The following OXNAD1 variants were observed in gnomAD, a reference collection of about 807,000 sequenced individuals.
OXNAD1 encodes the protein oxidoreductase NAD binding domain containing 1, also known as oxidoreductase NAD-binding domain-containing protein 1.
OXNAD1 carries 34 observed loss-of-function variants against 32.9 expected under a neutral mutation model. The ratio of observed to expected loss-of-function variants is 1.03; its 90% CI spans 0.79 to 1.38. OXNAD1 has a LOEUF of 1.38. Among genes scored for constraint, OXNAD1 ranks in the 40% most tolerant of loss-of-function variants. OXNAD1 has a pLI of 0.00. For missense variants in OXNAD1, 407 were observed against 379.4 expected (o/e 1.07, Z -0.60); for synonymous variants, 134 against 135.2 (o/e 0.99, Z 0.06).
In OXNAD1 at chr3:16,280,875, C is replaced by T. The variant is rs1452339494; in HGVS notation, c.184-5467C>T. ...AGTTGGCAAATGTGTTGTTATTTTA[C>T]TGAACACTGGAAAAGCATAAATGTT... On this transcript the variant is annotated intron_variant, in intron 4 of 8. Transcript: ENST00000285083. The surrounding 1 kb of genome is among the most constrained non-coding windows in gnomAD (Gnocchi z 4.5). Among the ~76,000 whole-genome samples, 2 of 152,310 alleles carry T rather than the reference C, an allele frequency of 1.3e-5. No homozygotes were observed. The highest frequency in any genetic ancestry group is 1.9e-4 in the East Asian group (1 of 5,188).
intron 2 of OXNAD1, 34 bp downstream of exon 2, chr3:16,269,309 G>A (rs1040630837): frequency 5.2e-6 from 8 of 1,528,790 alleles, no homozygotes; most frequent in African/African-American, 1.4e-5. Flanking sequence ...AGGGATTAAG[G>A]TAACATTATT....
rs1482403138 is a variant in OXNAD1, at chr3:16,297,256, T to C, written c.432+2259T>C. On this transcript the variant is annotated intron_variant, in intron 6 of 8. Transcript: ENST00000285083. The surrounding 1 kb of genome is among the most constrained non-coding windows in gnomAD (Gnocchi z 4.3). ...AAAGGTATTGAAACATCGTTAACCC[T>C]GAGGGAAATGTAAATTAAAACCATA... Among the ~76,000 whole-genome samples the C allele has an allele frequency of 1.3e-5, 2 of 152,188 alleles. No individual in the cohort carries two copies. The highest frequency in any genetic ancestry group is 2.4e-5 in the African/African-American group (1 of 41,450).
intron 9 of OXNAD1, among the ~76,000 whole-genome samples, chr3:16,326,146 T>TGGA (rs1311678618): frequency 6.6e-6 from 1 of 152,242 alleles, no homozygotes; most frequent in Admixed American, 6.5e-5. Flanking sequence ...AACATATAGA[T>TGGA]GGAGGGCCTT....
At chr3:16,307,110 G>A (rs1173050832), downstream of OXNAD1, among the ~76,000 whole-genome samples, 1 of 152,152 alleles carries the variant, frequency 6.6e-6, no homozygotes, top group Non-Finnish European at 1.5e-5. Flanking sequence ...CAGTATTGAT[G>A]CTTGATTTCT....
intron 9 of OXNAD1, chr3:16,315,691 C>G (rs1481412376): frequency 6.6e-6 from 1 of 152,238 alleles, no homozygotes; most frequent in Non-Finnish European, 1.5e-5. Flanking sequence ...GCAAGCCTAG[C>G]TGGCTCTGCA....
rs776127512 is a variant in OXNAD1, at chr3:16,271,711, C to T, written c.172C>T (p.Leu58Phe). 4.4e-6 allele frequency: 7 copies of T among 1,607,598 alleles called. No individual in the cohort carries two copies. Among genetic ancestry groups the T allele is most frequent in the Non-Finnish European group, 5.9e-6 (7 of 1,178,314 alleles). Residue 58 changes from leucine (L) to phenylalanine (F), a missense_variant, in exon 4 of 9, where the codon CTT (leucine) becomes TTT (phenylalanine). Leu to Phe is a conservative substitution (Grantham distance 22, BLOSUM62 0). Transcript: ENST00000285083. The surrounding 1 kb of genome is among the most constrained non-coding windows in gnomAD (Gnocchi z 4.6). ...TCACATGGAGAGAACTGCAAGTGTC[C>T]TTCGACGGGAGGTTTGTATCTTTGG... Reference protein sequence around the residue: ...TDHMERTASVLRREIVSAAKV... With the variant: ...TDHMERTASVFRREIVSAAKV...
In OXNAD1 at chr3:16,316,815, A is replaced by G. The variant is rs1482658706; in HGVS notation, c.*30+13223A>G. ...TGGCAACTCACCTAGTTTTAGCACA[A>G]ATTGCCCAAGACTCAGTTTTCTTCA... is the stretch of plus-strand genomic sequence containing the variant. On this transcript the variant is annotated intron_variant, in intron 9 of 9. Coordinates refer to the OXNAD1 transcript ENST00000435829. This position sits in a 1 kb window ranked among gnomAD's most constrained non-coding sequence, Gnocchi z 4.5. 3.1e-6 allele frequency: 5 copies of G among 1,613,132 alleles called. No homozygotes were observed. Among genetic ancestry groups the G allele is most frequent in the South Asian group, 2.2e-5 (2 of 90,944 alleles).
chr3:16,340,576 G>A (rs151133148), downstream of OXNAD1, among the ~76,000 whole-genome samples: 799 of 152,352 alleles, frequency 5.2e-3, 32 homozygotes, highest in Admixed American at 0.047. Context: ...TAGTTACACA[G>A]CAGAAGCCAA....
rs1267124832 is a variant in OXNAD1 at position 16,301,835 on chromosome 3, C to A, written c.642C>A (p.Tyr214Ter). Reference protein sequence around the residue: ...GYEIGTIKLFYSAKNTSELLF... With the variant: ...GYEIGTIKLF ...AGATAGGAACAATAAAACTATTCTA[C>A]AGTGCAAAAAATACCAGCGAACTCC... is the stretch of plus-strand genomic sequence containing the variant. The change falls in exon 7 of 9, where the codon TAC becomes TAA. Residue 214 changes from tyrosine (Y) to a stop codon, truncating the protein, a stop_gained. Coordinates refer to ENST00000285083, the MANE Select transcript of OXNAD1 (RefSeq NM_138381.5). LOFTEE classifies it high-confidence loss of function. The surrounding 1 kb of genome is among the most constrained non-coding windows in gnomAD (Gnocchi z 4.1). 1.9e-6 allele frequency: 3 copies of A among 1,613,908 alleles called. No individual in the cohort carries two copies. The highest frequency in any genetic ancestry group is 1.7e-6 in the Non-Finnish European group (2 of 1,179,942).
Position 16,284,785 on chromosome 3 carries a change from G to A in OXNAD1, c.184-1557G>A, listed in dbSNP as rs2065962149. Among the ~76,000 whole-genome samples the A allele has an allele frequency of 6.6e-6, 1 of 152,240 alleles. No individual in the cohort carries two copies. Among genetic ancestry groups the A allele is most frequent in the African/African-American group, 2.4e-5 (1 of 41,468 alleles). ...TAGGTAACTTGCCCAGAGTCACACA[G>A]CTGGTAAGCGGTAGAGCCAGGACTA... On this transcript the variant is annotated intron_variant, in intron 4 of 8. Transcript: ENST00000285083. This position sits in a 1 kb window ranked among gnomAD's most constrained non-coding sequence, Gnocchi z 4.1.
At chr3:16,347,282 C>T (rs1430820236) in intron 9 of OXNAD1, among the ~76,000 whole-genome samples, 1 of 152,246 alleles carries the variant, frequency 6.6e-6, no homozygotes, top group Non-Finnish European at 1.5e-5. Context: ...GACGTCCATG[C>T]ATGTTATATC....
At chr3:16,310,233 C>T (rs902493951), downstream of OXNAD1, among the ~76,000 whole-genome samples, 1 of 152,126 alleles carries the variant, frequency 6.6e-6, no homozygotes, top group African/African-American at 2.4e-5. Context: ...TATTAACTTA[C>T]GCATTTTGTG....
chr3:16,312,955 AAGATG>A lies in OXNAD1; in HGVS notation c.*30+9364_*30+9368del, dbSNP rs2068071138. 1.3e-5 allele frequency among the ~76,000 whole-genome samples: 2 copies of A among 152,186 alleles called. No individual in the cohort carries two copies. Among genetic ancestry groups the A allele is most frequent in the African/African-American group, 4.8e-5 (2 of 41,436 alleles). ...TAAATATTATTACAGTATTTCTGTT[AAGATG>A]GGATATACTACGCTTCAGTAGCCAA... On this transcript the variant is annotated intron_variant, in intron 9 of 9. Transcript: ENST00000435829. This position sits in a 1 kb window ranked among gnomAD's most constrained non-coding sequence, Gnocchi z 4.7.
chr3:16,275,955 AT>A (rs1559729504), intron 4 of OXNAD1: 1 of 153,184 alleles, frequency 6.5e-6, no homozygotes, highest in Admixed American at 6.5e-5. Context: ...AAAAGCACCT[AT>A]ATCCATATTT....
chr3:16,323,542 A>G lies in OXNAD1; in HGVS notation c.*31-13570A>G, dbSNP rs535729583. On this transcript the variant is annotated intron_variant, in intron 9 of 9. Transcript: ENST00000435829. ...CACAGATGTTGCCATCCCTAATTTC[A>G]TCAAAGCAGACCACCCACAGGATTA... 1.4e-3 allele frequency: 1,300 copies of G among 923,312 alleles called. 4 individuals are homozygous for G. The highest frequency in any genetic ancestry group is 1.9e-3 in the Non-Finnish European group (1,089 of 574,544). 57.2% of individuals were successfully genotyped at this position (923,312 alleles called of 1,614,324 possible). A position where few individuals can be genotyped will look rare whatever the true frequency, so the allele number is the denominator to read the frequency against.
Position 16,325,907 on chromosome 3 carries a change from G to A in OXNAD1, c.*31-11205G>A, listed in dbSNP as rs191221114. Among the ~76,000 whole-genome samples the A allele has an allele frequency of 1.6e-4, 25 of 152,330 alleles. No individual in the cohort carries two copies. The East Asian group carries it at 2.9e-3, about 18-fold the overall frequency. On this transcript the variant is annotated intron_variant, in intron 9 of 9. Transcript: ENST00000435829. ...AGGGCTTGGGGAAGGTGGAGCTCTG[G>A]GGGCCACAGCGGGGGCATCCTTGCT...
Position 16,269,114 on chromosome 3 carries a change from G to A in OXNAD1, c.-158-12G>A, listed in dbSNP as rs2064757294. The A allele has an allele frequency of 1.4e-6, 2 of 1,465,424 alleles. No homozygotes were observed. The highest frequency in any genetic ancestry group is 2.6e-5 in the Admixed American group (1 of 38,984). The allele number at this position is 1,465,424 out of a possible 1,614,324, so 90.8% of individuals were successfully genotyped here. ...CCCAAAACATTGTTATATGTTGTTT[G>A]TGCCATTGCAGGAACTTTGTGAGAA... On this transcript the variant is annotated splice_polypyrimidine_tract_variant and intron_variant, in intron 1 of 8. Transcript: ENST00000285083.
rs903066789 is a variant in OXNAD1, at chr3:16,314,942, A to T, written c.*30+11350A>T. 3 of 152,190 alleles carry T rather than the reference A, an allele frequency of 2.0e-5. No individual in the cohort carries two copies. The highest frequency in any genetic ancestry group is 7.2e-5 in the African/African-American group (3 of 41,442). The allele number at this position is 152,190 out of a possible 1,614,324, so 9.4% of individuals were successfully genotyped here. On this transcript the variant is annotated intron_variant, in intron 9 of 9. Transcript: ENST00000435829. The surrounding 1 kb of genome is among the most constrained non-coding windows in gnomAD (Gnocchi z 4.4). ...AAATCAAAATGCTGTATAGACATTG[A>T]CTTAGTTGTGGAAAATGTCATTAAA...
chr3:16,326,780 T>C (rs747085173), intron 9 of OXNAD1: 1 of 1,613,610 alleles, frequency 6.2e-7, no homozygotes, highest in Admixed American at 1.7e-5. Flanking sequence ...TACCTGGTAG[T>C]CTTGACGACG....
Sources: allele counts gnomAD v4.1 joint callset (sites outside exome capture counted in the v4.1 genomes callset), GRCh38; gene constraint gnomAD v4.1.1; non-coding constraint Gnocchi (gnomAD v3.1); transcripts MANE v1.5; gene names NCBI Gene and HGNC (gene_info 2026-07-23, HGNC 2026-07-21).